Variants in SPHKAP observed in about 807,000 individuals in gnomAD.
The protein encoded by SPHKAP is SPHK1 interactor, AKAP domain containing.
A neutral mutation model predicts 137.5 loss-of-function variants in SPHKAP; 67 were observed. The ratio of observed to expected loss-of-function variants is 0.49; its 90% CI spans 0.40 to 0.60. The LOEUF is 0.60. Ranked by LOEUF, SPHKAP falls within the 20% of genes least tolerant of loss-of-function variation. The pLI is 0.00. For missense variants in SPHKAP, 2,097 were observed against 2,069.3 expected (o/e 1.01, Z -0.26); for synonymous variants, 813 against 785.3 (o/e 1.04, Z -0.59).
chr2:228,113,569 A>G (rs1213015285), intron 2 of SPHKAP, among the ~76,000 whole-genome samples: 1 of 147,068 alleles, frequency 6.8e-6, no homozygotes, highest in Non-Finnish European at 1.5e-5. Context: ...TCTCATTTTC[A>G]GCTTCTACCA....
At chr2:228,077,416 G>A (rs116446913) in intron 3 of SPHKAP, among the ~76,000 whole-genome samples, 1 of 152,196 alleles carries the variant, frequency 6.6e-6, no homozygotes, top group African/African-American at 2.4e-5. Context: ...AAGCCACAGG[G>A]GAAGAGGTGT....
At chr2:228,172,408 C>A (rs914784777) in intron 1 of SPHKAP, among the ~76,000 whole-genome samples, 3 of 152,204 alleles carry the variant, frequency 2.0e-5, no homozygotes, top group Non-Finnish European at 4.4e-5. Context: ...TGACTACTTG[C>A]ACAACTGGTC....
At chr2:227,987,573 G>A (rs144625554) in intron 11 of SPHKAP, among the ~76,000 whole-genome samples, 1 of 152,162 alleles carries the variant, frequency 6.6e-6, no homozygotes, top group Non-Finnish European at 1.5e-5. Flanking sequence ...TAAAACACAA[G>A]TGAAAGGGAA....
At position 228,047,286 on chromosome 2, in the gene SPHKAP, C is replaced by G. The variant is rs182947022; in HGVS notation, c.247-19743G>C. Among the ~76,000 whole-genome samples the G allele has an allele frequency of 5.9e-5, 9 of 151,968 alleles. No homozygotes were observed. The East Asian group carries it at 1.7e-3, about 30-fold the overall frequency. On this transcript the variant is annotated intron_variant, in intron 3 of 11. Transcript: ENST00000392056. ...TTCGAGATCAGCCTGGCCAACACTG[C>G]GAAACCCCATCTCTGCTAAAAATAC...
chr2:228,067,101 G>GT (rs1273318820), intron 3 of SPHKAP, among the ~76,000 whole-genome samples: 5 of 152,276 alleles, frequency 3.3e-5, no homozygotes, highest in African/African-American at 9.6e-5. Context: ...AACAACCTTG[G>GT]TTTTTTATGT....
intron 7 of SPHKAP, among the ~76,000 whole-genome samples, chr2:227,996,688 C>T (rs1037738280): frequency 1.3e-5 from 2 of 152,140 alleles, no homozygotes; most frequent in East Asian, 1.9e-4. Flanking sequence ...AATTGCCTTC[C>T]CACCCTCTTC....
rs879638007 is a variant in SPHKAP, at chr2:228,071,418, C to T, written c.246+37414G>A. 2.6e-5 allele frequency among the ~76,000 whole-genome samples: 4 copies of T among 152,176 alleles called. No homozygotes were observed. The East Asian group carries it at 7.7e-4, about 29-fold the overall frequency. On this transcript the variant is annotated intron_variant, in intron 3 of 11. Transcript: ENST00000392056. ...GGAACTGCATCTTCTGTTATCTTGACATTTTTTAAGCCAAGCCTCTGTCCC... is the reference window on the plus strand; with the variant it reads ...GGAACTGCATCTTCTGTTATCTTGATATTTTTTAAGCCAAGCCTCTGTCCC...
intron 1 of SPHKAP, among the ~76,000 whole-genome samples, chr2:228,148,360 C>T (rs1352236141): frequency 6.6e-6 from 1 of 152,172 alleles, no homozygotes; most frequent in Non-Finnish European, 1.5e-5. Flanking sequence ...ATGTCTGCCA[C>T]CTGTCTAGTC....
intron 2 of SPHKAP, among the ~76,000 whole-genome samples, chr2:228,127,408 T>A (rs1462832322): frequency 6.6e-6 from 1 of 152,202 alleles, no homozygotes. Flanking sequence ...AAAACATTGG[T>A]GAACTACTCT....
intron 2 of SPHKAP, among the ~76,000 whole-genome samples, chr2:228,109,697 G>A (rs1698455299): frequency 6.6e-6 from 1 of 152,084 alleles, no homozygotes; most frequent in Admixed American, 6.5e-5. Context: ...TGGGCGTGGT[G>A]GGTTACACCT....
intron 2 of SPHKAP, among the ~76,000 whole-genome samples, chr2:228,127,153 C>T (rs1284175218): frequency 6.6e-6 from 1 of 152,194 alleles, no homozygotes; most frequent in East Asian, 1.9e-4. Context: ...TTTATCAGGA[C>T]AGCCTTGCTA....
intron 7 of SPHKAP, among the ~76,000 whole-genome samples, chr2:228,010,390 G>A (rs1694322937): frequency 6.6e-6 from 1 of 152,100 alleles, no homozygotes; most frequent in South Asian, 2.1e-4. Context: ...AAATTAGCTG[G>A]GTGTGGTGGC....
chr2:228,016,061 C>T (rs1330425334), intron 7 of SPHKAP, among the ~76,000 whole-genome samples: 1 of 152,004 alleles, frequency 6.6e-6, no homozygotes, highest in South Asian at 2.1e-4. Flanking sequence ...GGAATGATAT[C>T]TTACTTCTTT....
chr2:228,174,596 T>C (rs1700684454), intron 1 of SPHKAP, among the ~76,000 whole-genome samples: 1 of 152,214 alleles, frequency 6.6e-6, no homozygotes, highest in South Asian at 2.1e-4. Flanking sequence ...GACGCTGACT[T>C]CCAGTTTCCA....
At position 228,017,412 on chromosome 2, in the gene SPHKAP, G is replaced by A. The variant is rs763507783; in HGVS notation, c.3442C>T (p.Leu1148=). Reference sequence around the variant, plus strand: ...GCGTTCTTGCCAGCATAGTAATCCAGCAGTAACTCAAATCCTCTCCCTTCA... The same window carrying A: ...GCGTTCTTGCCAGCATAGTAATCCAACAGTAACTCAAATCCTCTCCCTTCA... The part of the protein sequence containing the change: ...ENEGRGFELL[L]DYYAGKNASS... Residue 1148 remains leucine, a synonymous_variant, in exon 7 of 12, where the codon CTG becomes TTG. Coordinates refer to ENST00000392056, the MANE Select transcript of SPHKAP (RefSeq NM_001142644.2). 3.1e-6 allele frequency: 5 copies of A among 1,614,100 alleles called. No homozygotes were observed. The highest frequency in any genetic ancestry group is 4.2e-6 in the Non-Finnish European group (5 of 1,180,036).
rs747825221 is a variant in SPHKAP, at chr2:227,995,502, C to T, written c.4634+7G>A. The T allele has an allele frequency of 1.2e-6, 2 of 1,613,984 alleles. No individual in the cohort carries two copies. Among genetic ancestry groups the T allele is most frequent in the African/African-American group, 1.3e-5 (1 of 75,016 alleles). Reference sequence around the variant, plus strand: ...TTTCCCTGGGAATTCAAGGGAAGAGCAGGTACCTCATGGATCGCTCACTGA... The same window carrying T: ...TTTCCCTGGGAATTCAAGGGAAGAGTAGGTACCTCATGGATCGCTCACTGA... On this transcript the variant is annotated splice_region_variant and intron_variant, in intron 8 of 11. Coordinates refer to ENST00000392056, the MANE Select transcript of SPHKAP (RefSeq NM_001142644.2).
At chr2:228,006,579 G>A (rs1694147154) in intron 7 of SPHKAP, among the ~76,000 whole-genome samples, 1 of 152,130 alleles carries the variant, frequency 6.6e-6, no homozygotes, top group South Asian at 2.1e-4. Context: ...TCTGTTGCTG[G>A]TGAGGAGGTG....
chr2:228,016,287 C>A, intron 7 of SPHKAP, 119 bp downstream of exon 7: 1 of 1,331,494 alleles, frequency 7.5e-7, no homozygotes, highest in Non-Finnish European at 9.7e-7. Context: ...TTTTTTTGGT[C>A]TTGAAAATTT....
At chr2:228,008,020 TTTTTATCTTTATGTTGTTGAG>T (rs1299924172) in intron 7 of SPHKAP, among the ~76,000 whole-genome samples, 1 of 152,210 alleles carries the variant, frequency 6.6e-6, no homozygotes, top group Non-Finnish European at 1.5e-5. Context: ...GTTTTTAAAG[TTTTTATCTTTATGTTGTTGAG>T]TTTTAAGAGT....
Sources: gnomAD v4.1 joint callset for allele counts (sites outside exome capture counted in the v4.1 genomes callset) on GRCh38, gnomAD v4.1.1 for gene constraint, MANE v1.5 for transcripts, NCBI Gene and HGNC (gene_info 2026-07-23, HGNC 2026-07-21) for gene names.